The following DENND2A variants were observed in gnomAD, a reference collection of about 807,000 sequenced individuals.
The protein encoded by DENND2A is DENN domain containing 2A.
DENND2A carries 53 observed loss-of-function variants against 105.3 expected under a neutral mutation model. The ratio of observed to expected loss-of-function variants is 0.50; its 90% CI spans 0.40 to 0.63. The LOEUF is 0.63. DENND2A is among the 30% of genes least tolerant of loss of function. The pLI, the probability that DENND2A is intolerant of heterozygous loss-of-function variation, is 0.00. For synonymous variants in DENND2A, 522 were observed against 508.4 expected (o/e 1.03, Z -0.36); for missense variants, 1,138 against 1,279.6 (o/e 0.89, Z 1.69).
At chr7:140,625,546 G>A (rs1333808658) in intron 1 of DENND2A, among the ~76,000 whole-genome samples, 2 of 152,106 alleles carry the variant, frequency 1.3e-5, no homozygotes, top group Non-Finnish European at 2.9e-5. Context: ...GCTGGACCTG[G>A]TGGCGTGTGC....
intron 12 of DENND2A, among the ~76,000 whole-genome samples, chr7:140,553,538 C>T (rs1797228659): frequency 6.6e-6 from 1 of 152,162 alleles, no homozygotes; most frequent in Non-Finnish European, 1.5e-5. Context: ...GGGTGTCGGG[C>T]TGGGGGACGG....
At position 140,602,402 on chromosome 7, in the gene DENND2A, G is replaced by C. The variant is rs1563172059; in HGVS notation, c.-5C>G. On this transcript the variant is annotated 5_prime_UTR_variant, in exon 3 of 20. Coordinates refer to ENST00000496613, the MANE Select transcript of DENND2A (RefSeq NM_015689.5). ...ATCCAAGCTGAACATATCCATTCTT[G>C]ACTCTAGCGTGAGGTTGTGGAGGCC... is the stretch of plus-strand genomic sequence containing the variant. 1.3e-6 allele frequency: 2 copies of C among 1,550,458 alleles called. No homozygotes were observed. Among genetic ancestry groups the C allele is most frequent in the Non-Finnish European group, 8.7e-7 (1 of 1,151,680 alleles).
chr7:140,568,907 T>C, intron 7 of DENND2A, 94 bp from the exon 8 acceptor site: 2 of 1,301,326 alleles, frequency 1.5e-6, no homozygotes, highest in South Asian at 2.5e-5. Flanking sequence ...AATGTTCTAA[T>C]TCAGAGGGGA....
At chr7:140,624,300 A>G (rs1403090521) in intron 1 of DENND2A, among the ~76,000 whole-genome samples, 2 of 152,134 alleles carry the variant, frequency 1.3e-5, no homozygotes, top group East Asian at 1.9e-4. Flanking sequence ...TGTAAATGAC[A>G]GTGCTTCTCA....
rs1469719637 is a variant in DENND2A at position 140,527,292 on chromosome 7, G to A, written c.2505+26C>T. 6.5e-7 allele frequency: 1 copy of A among 1,549,482 alleles called. No individual in the cohort carries two copies. The highest frequency in any genetic ancestry group is 2.0e-5 in the Admixed American group (1 of 51,240). The stretch of plus-strand genomic sequence containing the variant: ...TCTGTTCTCCGCACCCTGCAGGGAG[G>A]GGGACAGGGCTGAGTGGGAGCTCAC... On this transcript the variant is annotated intron_variant, in intron 15 of 19. Coordinates refer to ENST00000496613, the MANE Select transcript of DENND2A (RefSeq NM_015689.5). The surrounding 1 kb of genome is among the most constrained non-coding windows in gnomAD (Gnocchi z 4.9).
intron 12 of DENND2A, among the ~76,000 whole-genome samples, chr7:140,551,387 C>T (rs764377569): frequency 3.3e-5 from 5 of 151,780 alleles, no homozygotes; most frequent in Non-Finnish European, 7.4e-5. Flanking sequence ...GAAGCGTTGC[C>T]ATGCGGGTTC....
rs370243121 is a variant in DENND2A at position 140,567,262 on chromosome 7, G to C, written c.1603C>G (p.Arg535Gly). The C allele has an allele frequency of 3.7e-6, 6 of 1,608,116 alleles. No homozygotes were observed. Among genetic ancestry groups the C allele is most frequent in the Middle Eastern group, 1.7e-4 (1 of 5,862 alleles). Residue 535 changes from arginine to glycine, a missense_variant, in exon 9 of 20, where the codon CGC (arginine) becomes GGC (glycine). Transcript: ENST00000496613. ...AGCCGGGACTTCACGTTGACCAGGC[G>C]CTGGCTGTGAGCTGGGTGAGGGAGG... Reference protein sequence around the residue: ...TEEKLKAHSQRLVNVKSRLKQ... With the variant: ...TEEKLKAHSQGLVNVKSRLKQ...
chr7:140,585,585 A>C lies in DENND2A; in HGVS notation c.1245+4T>G, dbSNP rs989094823. 1 of 1,614,086 alleles carries C rather than the reference A, an allele frequency of 6.2e-7. No individual in the cohort carries two copies. Among genetic ancestry groups the C allele is most frequent in the Non-Finnish European group, 8.5e-7 (1 of 1,179,988 alleles). On this transcript the variant is annotated splice_donor_region_variant and intron_variant, in intron 5 of 19. Transcript: ENST00000496613. ...TCCTGCCACCATTCCCAGGGGACTC[A>C]TACCTTGGTGAGTGTGTCAGGGATG...
At chr7:140,624,612 C>T (rs1399639746) in intron 1 of DENND2A, among the ~76,000 whole-genome samples, 1 of 152,144 alleles carries the variant, frequency 6.6e-6, no homozygotes, top group East Asian at 1.9e-4. Context: ...CTTTCCATTG[C>T]CTCAGGGGAC....
At chr7:140,563,342 G>A (rs1262766765) in intron 9 of DENND2A, among the ~76,000 whole-genome samples, 1 of 152,136 alleles carries the variant, frequency 6.6e-6, no homozygotes, top group Non-Finnish European at 1.5e-5. Context: ...GCTCATATAT[G>A]CACAGGAGCA....
At position 140,562,027 on chromosome 7, in the gene DENND2A, T is replaced by A. The variant is rs911750642; in HGVS notation, c.1780-2210A>T. ...ACCTCAGCCTCCCAAGTAGCTGGTATTACAGGTGCCTGCCACCACGCCTGA... is the reference window on the plus strand; with the variant it reads ...ACCTCAGCCTCCCAAGTAGCTGGTAATACAGGTGCCTGCCACCACGCCTGA... On this transcript the variant is annotated intron_variant, in intron 9 of 19. Transcript: ENST00000496613. 5.3e-5 allele frequency among the ~76,000 whole-genome samples: 8 copies of A among 151,702 alleles called. 1 individual carries two copies. The highest frequency in any genetic ancestry group is 1.9e-4 in the African/African-American group (8 of 41,284).
rs75251202 is a variant in DENND2A, at chr7:140,563,476, C to G, written c.1779+3610G>C. 6.6e-3 allele frequency among the ~76,000 whole-genome samples: 1,004 copies of G among 151,960 alleles called. 13 individuals are homozygous for G. The highest frequency in any genetic ancestry group is 0.023 in the African/African-American group (968 of 41,420). On this transcript the variant is annotated intron_variant, in intron 9 of 19. Transcript: ENST00000496613. ...TGGGATAGGAAACATTTTAATGGAACATTAGCATGCAAATAGGGGCTGTGC... is the reference window on the plus strand; with the variant it reads ...TGGGATAGGAAACATTTTAATGGAAGATTAGCATGCAAATAGGGGCTGTGC...
intron 3 of DENND2A, among the ~76,000 whole-genome samples, chr7:140,591,921 C>T (rs865948484): frequency 1.1e-5 from 1 of 87,760 alleles, no homozygotes; most frequent in Non-Finnish European, 2.3e-5. Flanking sequence ...TTTCTCCTCC[C>T]TTCCCTTCCC....
intron 11 of DENND2A, 124 bp downstream of exon 11, chr7:140,558,019 C>A: frequency 1.4e-6 from 1 of 718,538 alleles, no homozygotes; most frequent in Non-Finnish European, 2.3e-6. Context: ...TCCCCCTGCT[C>A]CTTCTCCTCC....
intron 8 of DENND2A, 61 bp from the exon 9 acceptor site, chr7:140,567,334 GAGAGAGAGAGAC>G: frequency 7.2e-7 from 1 of 1,380,128 alleles, no homozygotes; most frequent in East Asian, 2.5e-5. Context: ...GAGAGAGAGA[GAGAGAGAGAGAC>G]AGAGTGAGCA....
chr7:140,530,590 T>C (rs1563120216), intron 14 of DENND2A, among the ~76,000 whole-genome samples: 1 of 152,042 alleles, frequency 6.6e-6, no homozygotes, highest in Non-Finnish European at 1.5e-5. Flanking sequence ...CTGTCTTCTT[T>C]ATTAGCTGGG....
intron 1 of DENND2A, among the ~76,000 whole-genome samples, chr7:140,614,890 G>A (rs1291006468): frequency 6.6e-6 from 1 of 152,054 alleles, no homozygotes; most frequent in Non-Finnish European, 1.5e-5. Flanking sequence ...TTGAGATAGG[G>A]TCTGTTGCCC....
At chr7:140,599,398 C>G (rs149441684) in intron 3 of DENND2A, among the ~76,000 whole-genome samples, 75 of 151,820 alleles carry the variant, frequency 4.9e-4, no homozygotes, top group African/African-American at 1.6e-3. Context: ...AAAAAAATAG[C>G]CTGATTAATT....
chr7:140,634,956 C>T (rs960453078), intron 1 of DENND2A, among the ~76,000 whole-genome samples: 64 of 145,584 alleles, frequency 4.4e-4, no homozygotes, highest in African/African-American at 3.1e-4. Flanking sequence ...AGCAAGACTC[C>T]GTCTCAAAAA....
Sources: allele counts gnomAD v4.1 joint callset (sites outside exome capture counted in the v4.1 genomes callset), GRCh38; gene constraint gnomAD v4.1.1; non-coding constraint Gnocchi (gnomAD v3.1); transcripts MANE v1.5; gene names NCBI Gene and HGNC (gene_info 2026-07-23, HGNC 2026-07-21).